Variants in RIC3 observed in about 807,000 individuals in gnomAD.
RIC3 encodes the protein RIC3 acetylcholine receptor chaperone, also known as protein RIC-3.
In RIC3, 28 loss-of-function variants were observed where a neutral mutation model predicts 27.3. The ratio of observed to expected loss-of-function variants is 1.02; its 90% CI spans 0.76 to 1.41. The LOEUF is 1.41. Among genes scored for constraint, RIC3 ranks in the 40% most tolerant of loss-of-function variants. RIC3 has a pLI of 0.00. For synonymous variants in RIC3, 184 were observed against 160.4 expected (o/e 1.15, Z -1.11); for missense variants, 501 against 444.7 (o/e 1.13, Z -1.14).
At chr11:8,168,388 G>A (rs1951927339) in intron 1 of RIC3, among the ~76,000 whole-genome samples, 1 of 152,146 alleles carries the variant, frequency 6.6e-6, no homozygotes, top group Admixed American at 6.5e-5. Flanking sequence ...AGCAGTGAGC[G>A]CCCAGCACCA....
chr11:8,104,189 T>G (rs1177861586), downstream of RIC3: 1 of 152,262 alleles, frequency 6.6e-6, no homozygotes, highest in Non-Finnish European at 1.5e-5. Context: ...ACCCTCTACC[T>G]GGATGGATGG....
the RIC3 span, chr11:8,095,451 T>C: frequency 1.3e-6 from 2 of 1,561,284 alleles, no homozygotes; most frequent in South Asian, 1.2e-5. Flanking sequence ...ATCCAGGCCC[T>C]CCTCTCCTCC....
intron 2 of RIC3, chr11:8,139,364 T>G (rs1327937089): frequency 6.5e-6 from 1 of 153,678 alleles, no homozygotes; most frequent in Non-Finnish European, 1.4e-5. Context: ...GAGGTGGAAC[T>G]CAACTGGGGG....
At chr11:8,094,325 C>T in the RIC3 span, 17 of 1,203,612 alleles carry the variant, frequency 1.4e-5, no homozygotes, top group South Asian at 9.6e-5. Context: ...CCACTCTGGG[C>T]ACCCCCTCAG....
chr11:8,136,146 G>C (rs1175580234), intron 4 of RIC3, among the ~76,000 whole-genome samples: 1 of 152,164 alleles, frequency 6.6e-6, no homozygotes, highest in African/African-American at 2.4e-5. Flanking sequence ...CAACAGCACT[G>C]CAGACGTTGC....
At chr11:8,128,750 CTTT>C (rs1177448703) in intron 4 of RIC3, among the ~76,000 whole-genome samples, 17 of 88,490 alleles carry the variant, frequency 1.9e-4, no homozygotes, top group African/African-American at 6.4e-4. Flanking sequence ...GTTGCAAAAA[CTTT>C]TTTTTTTTTT....
intron 1 of RIC3, among the ~76,000 whole-genome samples, chr11:8,157,512 C>T (rs1293174518): frequency 6.6e-6 from 1 of 152,216 alleles, no homozygotes; most frequent in Non-Finnish European, 1.5e-5. Flanking sequence ...GAGTAATACA[C>T]TCAACTTGTT....
At position 8,168,991 on chromosome 11, in the gene RIC3, A is replaced by T. The variant is rs1336041901; in HGVS notation, c.-2T>A. On this transcript the variant is annotated 5_prime_UTR_variant, in exon 1 of 6. Transcript: ENST00000309737. Reference sequence around the variant, plus strand: ...TCTCTGCACTGTGGAGTACGCCATGACTGCTCACGGTGGTCGCAGGTGCAG... The same window carrying T: ...TCTCTGCACTGTGGAGTACGCCATGTCTGCTCACGGTGGTCGCAGGTGCAG... 6.3e-7 allele frequency: 1 copy of T among 1,579,506 alleles called. No homozygotes were observed. The highest frequency in any genetic ancestry group is 1.4e-5 in the African/African-American group (1 of 71,624).
At chr11:8,162,629 CTTT>C (rs757717970) in intron 1 of RIC3, among the ~76,000 whole-genome samples, 292 of 83,674 alleles carry the variant, frequency 3.5e-3, no homozygotes, top group Non-Finnish European at 6.1e-3. Context: ...CATGCTTCTT[CTTT>C]TTTTTTTTTT....
chr11:8,145,299 C>A (rs1379713071), intron 1 of RIC3, among the ~76,000 whole-genome samples: 1 of 151,332 alleles, frequency 6.6e-6, no homozygotes, highest in Non-Finnish European at 1.5e-5. Flanking sequence ...CTTTCACATT[C>A]TAGCTCAATC....
the RIC3 span, among the ~76,000 whole-genome samples, chr11:8,095,981 C>T: frequency 2.0e-5 from 3 of 152,228 alleles, no homozygotes; most frequent in Admixed American, 6.5e-5. Context: ...GTAGATCCTC[C>T]GTGGAAACCT....
At chr11:8,134,601 T>C (rs1046163666) in intron 4 of RIC3, among the ~76,000 whole-genome samples, 3 of 152,178 alleles carry the variant, frequency 2.0e-5, no homozygotes, top group Admixed American at 6.5e-5. Flanking sequence ...AACTAGTTTA[T>C]AGTCCCATCA....
chr11:8,132,720 C>T (rs544150643), intron 4 of RIC3, among the ~76,000 whole-genome samples: 5 of 152,258 alleles, frequency 3.3e-5, no homozygotes, highest in African/African-American at 9.6e-5. Context: ...AGCCAACATC[C>T]TGCAGTTATG....
intron 1 of RIC3, among the ~76,000 whole-genome samples, chr11:8,150,245 C>T (rs78066467): frequency 0.013 from 1,976 of 152,248 alleles, 53 homozygotes; most frequent in African/African-American, 0.045. Context: ...GGTTGTAACC[C>T]TTTATAAGAA....
the RIC3 span, among the ~76,000 whole-genome samples, chr11:8,098,567 A>G: frequency 6.6e-6 from 1 of 152,222 alleles, no homozygotes. Flanking sequence ...GAGTCAACTC[A>G]GAGCAAGTCC....
chr11:8,100,762 C>T, the RIC3 span: 1 of 1,596,164 alleles, frequency 6.3e-7, no homozygotes, highest in East Asian at 2.2e-5. Context: ...CGGGATAGAT[C>T]CCTTTCTGGG....
chr11:8,095,709 C>T, the RIC3 span: 12 of 1,543,116 alleles, frequency 7.8e-6, no homozygotes, highest in South Asian at 1.2e-5. Flanking sequence ...AACTCAGTCC[C>T]AGGTTCTCAG....
chr11:8,094,243 G>T, the RIC3 span: 1 of 1,540,030 alleles, frequency 6.5e-7, no homozygotes, highest in African/African-American at 1.4e-5. Context: ...CCACTGTAGG[G>T]CTGGGGAAGG....
At position 8,111,083 on chromosome 11, in the gene RIC3, C is replaced by T; in HGVS notation, c.725G>A (p.Arg242Lys). Residue 242 changes from arginine (R) to lysine (K), a missense_variant, in exon 6 of 6, where the codon AGG (arginine) becomes AAG (lysine). Arg to Lys is a conservative substitution (Grantham distance 26). Transcript: ENST00000309737. ...GTAATCCACCAAGATTGTTTCTTGC[C>T]TACGCTTGATACAGTCTGAAAGGTC... is the stretch of plus-strand genomic sequence containing the variant. ...IYDLSDCIKR[R>K]QETILVDYPD... 6.2e-7 allele frequency: 1 copy of T among 1,613,884 alleles called. No homozygotes were observed. The highest frequency in any genetic ancestry group is 8.5e-7 in the Non-Finnish European group (1 of 1,179,962).
Sources: gnomAD v4.1 joint callset for allele counts (sites outside exome capture counted in the v4.1 genomes callset) on GRCh38, gnomAD v4.1.1 for gene constraint, MANE v1.5 for transcripts, NCBI Gene and HGNC (gene_info 2026-07-23, HGNC 2026-07-21) for gene names.